The following FRMD4A variants were observed in gnomAD, a reference collection of about 807,000 sequenced individuals.
FRMD4A encodes the protein FERM domain containing 4A.
A neutral mutation model predicts 129.1 loss-of-function variants in FRMD4A; 29 were observed. The observed-to-expected ratio is 0.22, with a 90% CI of 0.17 to 0.31. The LOEUF is 0.31. Ranked by LOEUF, FRMD4A falls within the 10% of genes least tolerant of loss-of-function variation. FRMD4A has a pLI of 1.00. For missense variants in FRMD4A, 1,272 were observed against 1,375.8 expected (o/e 0.92, Z 1.19); for synonymous variants, 634 against 571.6 (o/e 1.11, Z -1.56).
intron 3 of FRMD4A, among the ~76,000 whole-genome samples, chr10:13,853,513 G>C (rs1013945701): frequency 1.3e-5 from 2 of 152,132 alleles, no homozygotes; most frequent in Non-Finnish European, 2.9e-5. Context: ...ACCACAGCTG[G>C]TTGATAGAGC....
At chr10:14,271,610 A>C (rs1222354099) in intron 2 of FRMD4A, among the ~76,000 whole-genome samples, 1 of 152,218 alleles carries the variant, frequency 6.6e-6, no homozygotes, top group East Asian at 1.9e-4. Flanking sequence ...TGTTGAGTGG[A>C]AAGTCATTCA....
chr10:14,261,676 C>A (rs1227460812), intron 2 of FRMD4A, among the ~76,000 whole-genome samples: 1 of 152,182 alleles, frequency 6.6e-6, no homozygotes, highest in East Asian at 1.9e-4. Flanking sequence ...AAGACCTGGG[C>A]TCTCATTCCA....
At chr10:13,822,859 C>T (rs546588929) in intron 3 of FRMD4A, among the ~76,000 whole-genome samples, 1 of 152,288 alleles carries the variant, frequency 6.6e-6, no homozygotes, top group African/African-American at 2.4e-5. Context: ...AGTCACAGCT[C>T]CCTTTAATAG....
At chr10:13,819,715 T>C (rs2093600655) in intron 3 of FRMD4A, among the ~76,000 whole-genome samples, 1 of 151,360 alleles carries the variant, frequency 6.6e-6, no homozygotes, top group East Asian at 1.9e-4. Context: ...TTTTTTTTTT[T>C]TTCTGAGATG....
intron 12 of FRMD4A, among the ~76,000 whole-genome samples, chr10:13,729,722 A>AC (rs1371023663): frequency 6.6e-6 from 1 of 152,044 alleles, no homozygotes. Flanking sequence ...CTCAGAGGGG[A>AC]CCCCATAGTG....
At chr10:14,084,986 T>C (rs769553441) in intron 2 of FRMD4A, among the ~76,000 whole-genome samples, 1 of 152,230 alleles carries the variant, frequency 6.6e-6, no homozygotes, top group Admixed American at 6.5e-5. Flanking sequence ...TCAATGGTAA[T>C]GATCCCCTGA....
chr10:13,765,978 G>A (rs929978293), intron 6 of FRMD4A, among the ~76,000 whole-genome samples: 1 of 152,208 alleles, frequency 6.6e-6, no homozygotes, highest in African/African-American at 2.4e-5. Flanking sequence ...AACATCTGCT[G>A]AGAGGCTTAT....
rs76997984 is a variant in FRMD4A, at chr10:13,689,982, A to T, written c.1117+3916T>A. On this transcript the variant is annotated intron_variant, in intron 15 of 24. Coordinates refer to ENST00000357447, the MANE Select transcript of FRMD4A (RefSeq NM_018027.5). ...TGTTGGGTACTGGGCAAGTATTAGAAAATTCTGAAATGGAGACTAGTTTCT... is the reference window on the plus strand; with the variant it reads ...TGTTGGGTACTGGGCAAGTATTAGATAATTCTGAAATGGAGACTAGTTTCT... Among the ~76,000 whole-genome samples, 176 of 152,338 alleles carry T rather than the reference A, an allele frequency of 1.2e-3. 1 individual carries two copies. Among genetic ancestry groups the T allele is most frequent in the African/African-American group, 3.6e-3 (151 of 41,570 alleles).
intron 3 of FRMD4A, among the ~76,000 whole-genome samples, chr10:13,832,983 T>A (rs74725662): frequency 0.018 from 2,800 of 152,252 alleles, 86 homozygotes; most frequent in African/African-American, 0.063. Context: ...AAATGCATAT[T>A]TGCGATGTAA....
chr10:14,119,692 T>A (rs1160817785), intron 2 of FRMD4A, among the ~76,000 whole-genome samples: 1 of 152,146 alleles, frequency 6.6e-6, no homozygotes, highest in African/African-American at 2.4e-5. Context: ...AAATAATTAA[T>A]CACTCCCTAA....
intron 2 of FRMD4A, among the ~76,000 whole-genome samples, chr10:14,228,493 T>G (rs912795783): frequency 1.3e-5 from 2 of 152,240 alleles, no homozygotes; most frequent in Non-Finnish European, 2.9e-5. Context: ...AATAGTGTTT[T>G]GCTAACCCTG....
rs1460147282 is a variant in FRMD4A, at chr10:14,044,374, T to C, written c.46-185462A>G. 2.0e-5 allele frequency among the ~76,000 whole-genome samples: 3 copies of C among 152,220 alleles called. No individual in the cohort carries two copies. In the East Asian group the frequency reaches 5.8e-4, roughly 29 times the overall value. On this transcript the variant is annotated intron_variant, in intron 2 of 24. Coordinates refer to ENST00000357447, the MANE Select transcript of FRMD4A (RefSeq NM_018027.5). ...TAGAATAGTGGCTCCCTGACCCCCA[T>C]TCCTGTCTGGTAAAACCTATGAATG...
intron 8 of FRMD4A, among the ~76,000 whole-genome samples, chr10:13,756,989 TA>T (rs1188783739): frequency 6.6e-6 from 1 of 152,230 alleles, no homozygotes; most frequent in Non-Finnish European, 1.5e-5. Flanking sequence ...CAAGAGTTTT[TA>T]AAAAAGCTTT....
intron 2 of FRMD4A, among the ~76,000 whole-genome samples, chr10:13,956,460 G>A (rs1201134232): frequency 6.6e-6 from 1 of 152,182 alleles, no homozygotes; most frequent in East Asian, 1.9e-4. Flanking sequence ...CCTTATGTAG[G>A]TTCTTTATCT....
intron 2 of FRMD4A, among the ~76,000 whole-genome samples, chr10:14,148,375 C>A (rs1373152801): frequency 6.6e-6 from 1 of 152,210 alleles, no homozygotes; most frequent in African/African-American, 2.4e-5. Flanking sequence ...TCATCTCAAC[C>A]AGGAACTTGC....
chr10:13,991,427 G>C (rs1038189022), intron 2 of FRMD4A, among the ~76,000 whole-genome samples: 1 of 152,112 alleles, frequency 6.6e-6, no homozygotes, highest in African/African-American at 2.4e-5. Context: ...TCCTCCAACG[G>C]GACCCCCTCT....
At chr10:14,113,499 A>G (rs1838034574) in intron 2 of FRMD4A, among the ~76,000 whole-genome samples, 1 of 152,218 alleles carries the variant, frequency 6.6e-6, no homozygotes, top group South Asian at 2.1e-4. Context: ...AAGTGGCTGT[A>G]TGTGTTATTG....
intron 15 of FRMD4A, among the ~76,000 whole-genome samples, chr10:13,680,345 T>A (rs1261390062): frequency 6.6e-6 from 1 of 152,066 alleles, no homozygotes; most frequent in Non-Finnish European, 1.5e-5. Context: ...CCTAGGCTTA[T>A]GCTGATTTAT....
At position 13,654,478 on chromosome 10, in the gene FRMD4A, C is replaced by T. The variant is rs377693430; in HGVS notation, c.2988G>A (p.Pro996=). Residue 996 remains proline (P), a synonymous_variant, in exon 23 of 25, where the codon CCG becomes CCA. Coordinates refer to ENST00000357447, the MANE Select transcript of FRMD4A (RefSeq NM_018027.5). ...ALPQSQRSST[P]SSEIGATPPS... Reference sequence around the variant, plus strand: ...GGGGGGTGGCTCCAATTTCACTTGACGGTGTCGAGCTTCTCTGGCTTTGAG... The same window carrying T: ...GGGGGGTGGCTCCAATTTCACTTGATGGTGTCGAGCTTCTCTGGCTTTGAG... The T allele has an allele frequency of 4.8e-5, 78 of 1,613,784 alleles. No homozygotes were observed. Among genetic ancestry groups the T allele is most frequent in the African/African-American group, 2.5e-4 (19 of 75,032 alleles).
Sources: allele counts gnomAD v4.1 joint callset (sites outside exome capture counted in the v4.1 genomes callset), GRCh38; gene constraint gnomAD v4.1.1; transcripts MANE v1.5; gene names NCBI Gene and HGNC (gene_info 2026-07-23, HGNC 2026-07-21).